CREB5: variants seen among roughly 807,000 people sequenced by gnomAD.
CREB5 encodes cyclic AMP-responsive element-binding protein 5.
Under a neutral mutation model 57.1 loss-of-function variants are expected in CREB5, and 19 were observed. That is an observed-to-expected ratio of 0.33 (90% confidence interval 0.23 to 0.49). The LOEUF (loss-of-function observed/expected upper bound fraction) is 0.49. CREB5 is among the 20% of genes least tolerant of loss of function. The probability of loss-of-function intolerance (pLI) is 0.99; values close to 1 mark genes in which losing one functional copy is unlikely to be tolerated. For synonymous variants in CREB5, 238 were observed against 238.3 expected (o/e 1.00, Z 0.01); for missense variants, 579 against 671.6 (o/e 0.86, Z 1.52).
intron 1 of CREB5, among the ~76,000 whole-genome samples, chr7:28,342,635 T>G (rs1002194805): frequency 6.6e-6 from 1 of 152,230 alleles, no homozygotes; most frequent in South Asian, 2.1e-4. Context: ...AGTAACTCTT[T>G]GTTTCTAGAA....
chr7:28,316,457 GA>G (rs1785383722), intron 1 of CREB5, among the ~76,000 whole-genome samples: 1 of 151,906 alleles, frequency 6.6e-6, no homozygotes. Context: ...AAGGAGAGAG[GA>G]AAAAAAGAAA....
chr7:28,560,881 T>TGCGCGCGCGTGCGTGC (rs1388491335), intron 4 of CREB5, among the ~76,000 whole-genome samples: 9 of 46,206 alleles, frequency 1.9e-4, no homozygotes, highest in Non-Finnish European at 3.7e-4. Flanking sequence ...TGCGCGTGCG[T>TGCGCGCGCGTGCGTGC]GCGTGCGTGT....
At chr7:28,407,451 G>T (rs35824403) in intron 1 of CREB5, among the ~76,000 whole-genome samples, 1 of 152,152 alleles carries the variant, frequency 6.6e-6, no homozygotes, top group Non-Finnish European at 1.5e-5. Flanking sequence ...AGAACCAGGC[G>T]TCAAGTAGCA....
intron 1 of CREB5, among the ~76,000 whole-genome samples, chr7:28,398,404 G>A (rs1479697372): frequency 1.3e-5 from 2 of 152,068 alleles, no homozygotes; most frequent in South Asian, 2.1e-4. Context: ...ACTAGCCTGC[G>A]GGTAGTTCTA....
At chr7:28,587,988 T>C (rs1408078716) in intron 5 of CREB5, among the ~76,000 whole-genome samples, 1 of 152,192 alleles carries the variant, frequency 6.6e-6, no homozygotes, top group Non-Finnish European at 1.5e-5. Flanking sequence ...TGGGGAGCTC[T>C]TCACTGCAGA....
intron 5 of CREB5, among the ~76,000 whole-genome samples, chr7:28,624,961 A>G (rs1797946499): frequency 6.6e-6 from 1 of 150,546 alleles, no homozygotes; most frequent in South Asian, 2.1e-4. Flanking sequence ...TCAGTTTCCC[A>G]TCAGCAAAAT....
chr7:28,751,138 G>T (rs544111291), intron 7 of CREB5, among the ~76,000 whole-genome samples: 2 of 148,452 alleles, frequency 1.3e-5, no homozygotes, highest in South Asian at 2.1e-4. Context: ...GAAGCCACTT[G>T]GTTGCTCACA....
chr7:28,300,694 G>A (rs963762916), intron 1 of CREB5, among the ~76,000 whole-genome samples: 20 of 152,344 alleles, frequency 1.3e-4, no homozygotes, highest in African/African-American at 4.8e-4. Context: ...TTAATGTGAT[G>A]AAACACATTT....
chr7:28,351,657 A>C (rs1786188740), intron 1 of CREB5, among the ~76,000 whole-genome samples: 1 of 152,192 alleles, frequency 6.6e-6, no homozygotes, highest in Non-Finnish European at 1.5e-5. Context: ...TACAGTGTGT[A>C]CATGGCAGCT....
At chr7:28,795,520 C>T (rs1487818899) in intron 7 of CREB5, among the ~76,000 whole-genome samples, 1 of 152,166 alleles carries the variant, frequency 6.6e-6, no homozygotes, top group Non-Finnish European at 1.5e-5. Flanking sequence ...TACTAAAACC[C>T]TGGCATTGAC....
At chr7:28,366,998 A>T (rs1786601099) in intron 1 of CREB5, among the ~76,000 whole-genome samples, 3 of 151,552 alleles carry the variant, frequency 2.0e-5, no homozygotes, top group African/African-American at 7.3e-5. Flanking sequence ...GAAGTTGAAG[A>T]TCTGAAAATC....
chr7:28,774,030 TA>T (rs1366093847), intron 7 of CREB5, among the ~76,000 whole-genome samples: 1 of 152,232 alleles, frequency 6.6e-6, no homozygotes, highest in Non-Finnish European at 1.5e-5. Flanking sequence ...CATTAACTAA[TA>T]AACTTGTAGA....
At chr7:28,641,832 G>T (rs980410647) in intron 5 of CREB5, among the ~76,000 whole-genome samples, 1 of 152,186 alleles carries the variant, frequency 6.6e-6, no homozygotes, top group African/African-American at 2.4e-5. Flanking sequence ...CTGACCTGCA[G>T]TCGCCATCCC....
chr7:28,701,916 A>C (rs1801878848), intron 5 of CREB5, among the ~76,000 whole-genome samples: 2 of 152,272 alleles, frequency 1.3e-5, no homozygotes, highest in African/African-American at 4.8e-5. Flanking sequence ...TATGAAGACA[A>C]ATACTGGCTG....
At chr7:28,360,368 A>G (rs1786450074) in intron 1 of CREB5, among the ~76,000 whole-genome samples, 2 of 152,354 alleles carry the variant, frequency 1.3e-5, no homozygotes, top group Admixed American at 1.3e-4. Flanking sequence ...TCTATCCACA[A>G]TGGAATGTTA....
chr7:28,665,976 T>C (rs1562558899), intron 5 of CREB5, among the ~76,000 whole-genome samples: 2 of 152,166 alleles, frequency 1.3e-5, no homozygotes, highest in African/African-American at 2.4e-5. Flanking sequence ...ATGGATTAAA[T>C]GGCCTAAACT....
At chr7:28,775,711 AT>A (rs1377703577) in intron 7 of CREB5, among the ~76,000 whole-genome samples, 1 of 151,846 alleles carries the variant, frequency 6.6e-6, no homozygotes, top group Non-Finnish European at 1.5e-5. Context: ...GCTGTAGAAT[AT>A]TTCATCATTA....
chr7:28,398,581 T>C (rs1787384234), intron 1 of CREB5, among the ~76,000 whole-genome samples: 2 of 152,216 alleles, frequency 1.3e-5, no homozygotes, highest in Admixed American at 6.5e-5. Context: ...TATATATTGC[T>C]TTATAGCAAA....
At chr7:28,658,770 A>G (rs1799434686) in intron 5 of CREB5, among the ~76,000 whole-genome samples, 2 of 151,850 alleles carry the variant, frequency 1.3e-5, no homozygotes, top group Non-Finnish European at 1.5e-5. Context: ...GGATAAGGAA[A>G]GGGCTGACAG....
Sources: allele counts gnomAD v4.1 joint callset (sites outside exome capture counted in the v4.1 genomes callset), GRCh38; gene constraint gnomAD v4.1.1; transcripts MANE v1.5; gene names NCBI Gene and HGNC (gene_info 2026-07-23, HGNC 2026-07-21).